Variants in FBXL13 observed in about 807,000 individuals in gnomAD.
The protein encoded by FBXL13 is F-box and leucine rich repeat protein 13.
Under a neutral mutation model 83.6 loss-of-function variants are expected in FBXL13, and 67 were observed. The ratio of observed to expected loss-of-function variants is 0.80; its 90% confidence interval spans 0.66 to 0.98. FBXL13 has a LOEUF of 0.98. Ranked by LOEUF, FBXL13 falls within the 50% of genes least tolerant of loss-of-function variation. The probability of loss-of-function intolerance (pLI) is 0.00; values close to 1 mark genes in which losing one functional copy is unlikely to be tolerated. For synonymous variants in FBXL13, 272 were observed against 299.5 expected (o/e 0.91, Z 0.95); for missense variants, 822 against 866.5 (o/e 0.95, Z 0.64).
intron 2 of FBXL13, among the ~76,000 whole-genome samples, chr7:103,032,264 A>T (rs1794585657): frequency 6.6e-6 from 1 of 152,262 alleles, no homozygotes; most frequent in African/African-American, 2.4e-5. Flanking sequence ...GAGAAATAAA[A>T]TAAACACCTA....
At chr7:102,972,143 G>A (rs1361053918) in intron 6 of FBXL13, among the ~76,000 whole-genome samples, 3 of 152,078 alleles carry the variant, frequency 2.0e-5, no homozygotes, top group Non-Finnish European at 4.4e-5. Context: ...GGCATGAAAT[G>A]CAAATAATAA....
In FBXL13 at chr7:102,953,444, T is replaced by A. The variant is rs142472812; in HGVS notation, c.724+10089A>T. ...ATTTCAGTTGACTTAGAAAAGGCAT[T>A]TGACAAAATCCCATCACCCTTTTAT... On this transcript the variant is annotated intron_variant, in intron 8 of 19. Coordinates refer to ENST00000313221, the Ensembl canonical transcript of FBXL13. Among the ~76,000 whole-genome samples the A allele has an allele frequency of 3.7e-3, 568 of 152,234 alleles. 5 individuals carry two copies. The highest frequency in any genetic ancestry group is 0.014 in the African/African-American group (561 of 41,548).
exon 11 of FBXL13, chr7:102,913,204 T>C (rs201475001): frequency 4.3e-6 from 7 of 1,614,002 alleles, no homozygotes; most frequent in African/African-American, 1.3e-5. Flanking sequence ...ATTCTGTAAG[T>C]TGTGGAAGTG....
intron 1 of FBXL13, among the ~76,000 whole-genome samples, chr7:103,061,870 G>A (rs1338393680): frequency 2.0e-5 from 3 of 150,080 alleles, no homozygotes; most frequent in Non-Finnish European, 4.4e-5. Flanking sequence ...TTCAGGAGGC[G>A]GAGCTTGCAG....
At chr7:102,967,951 G>A (rs377412326) in intron 7 of FBXL13, 71 bp downstream of exon 8, 4 of 1,168,134 alleles carry the variant, frequency 3.4e-6, no homozygotes, top group Non-Finnish European at 5.0e-6. Flanking sequence ...CCCCACAACA[G>A]CTGGCTTCAC....
At chr7:102,830,265 C>A (rs183750996) in intron 18 of FBXL13, among the ~76,000 whole-genome samples, 3 of 152,188 alleles carry the variant, frequency 2.0e-5, no homozygotes, top group African/African-American at 7.2e-5. Flanking sequence ...TGCACTGGAG[C>A]CTTTTCTTTT....
intron 16 of FBXL13, among the ~76,000 whole-genome samples, chr7:102,870,388 T>C (rs1380703806): frequency 1.3e-5 from 2 of 152,180 alleles, no homozygotes; most frequent in Non-Finnish European, 1.5e-5. Flanking sequence ...TGAAATGATC[T>C]AGATTGAGAA....
chr7:103,047,011 C>T (rs1796347084), intron 2 of FBXL13: 2 of 152,192 alleles, frequency 1.3e-5, no homozygotes, highest in Admixed American at 1.3e-4. Context: ...ACCATAAAAA[C>T]TTTCTTTACC....
intron 16 of FBXL13, among the ~76,000 whole-genome samples, chr7:102,875,606 T>C (rs2129457553): frequency 6.6e-6 from 1 of 152,250 alleles, no homozygotes; most frequent in Middle Eastern, 3.4e-3. Context: ...CTCGTCATTG[T>C]ATCAGTTAAG....
intron 10 of FBXL13, among the ~76,000 whole-genome samples, chr7:102,920,896 G>C (rs746312354): frequency 2.0e-5 from 3 of 152,188 alleles, no homozygotes; most frequent in Non-Finnish European, 4.4e-5. Context: ...GCTCATACCT[G>C]TAATCCCAGC....
At chr7:102,831,462 T>C (rs1444580244) in intron 18 of FBXL13, among the ~76,000 whole-genome samples, 1 of 151,362 alleles carries the variant, frequency 6.6e-6, no homozygotes, top group East Asian at 1.9e-4. Flanking sequence ...TTGTCCAAAA[T>C]ATGAATAGTG....
chr7:102,995,617 T>C (rs892676710), intron 6 of FBXL13, among the ~76,000 whole-genome samples: 5 of 151,058 alleles, frequency 3.3e-5, no homozygotes, highest in Middle Eastern at 3.5e-3. Flanking sequence ...TGAAACACTG[T>C]CTCTACTAAG....
chr7:102,987,516 A>T (rs1029789906), intron 6 of FBXL13, among the ~76,000 whole-genome samples: 13 of 152,178 alleles, frequency 8.5e-5, no homozygotes, highest in Admixed American at 4.6e-4. Flanking sequence ...AATAGCAAAA[A>T]TCCAAGCACA....
intron 17 of FBXL13, among the ~76,000 whole-genome samples, chr7:102,848,285 G>A (rs1226461163): frequency 2.2e-5 from 1 of 46,498 alleles, no homozygotes; most frequent in Non-Finnish European, 3.6e-5. Context: ...GGCCGGGCGC[G>A]GTGGCTCACG....
intron 11 of FBXL13, among the ~76,000 whole-genome samples, chr7:102,897,144 T>A (rs1200278424): frequency 3.3e-5 from 5 of 151,732 alleles, no homozygotes; most frequent in African/African-American, 1.2e-4. Context: ...TGTATCTATA[T>A]GAGGAAATAT....
At chr7:102,996,199 T>C (rs1789770319) in intron 6 of FBXL13, among the ~76,000 whole-genome samples, 1 of 152,212 alleles carries the variant, frequency 6.6e-6, no homozygotes, top group African/African-American at 2.4e-5. Context: ...AGTTCATAGT[T>C]TGTCATAATG....
intron 9 of FBXL13, among the ~76,000 whole-genome samples, chr7:102,929,818 T>C (rs1054344092): frequency 1.3e-5 from 2 of 152,092 alleles, no homozygotes; most frequent in Admixed American, 6.6e-5. Flanking sequence ...AAGTTGGTTG[T>C]GGTGATGGTC....
intron 6 of FBXL13, among the ~76,000 whole-genome samples, chr7:102,990,768 G>A (rs1204211893): frequency 6.6e-6 from 1 of 152,218 alleles, no homozygotes; most frequent in Non-Finnish European, 1.5e-5. Flanking sequence ...AGCCTACAAA[G>A]AGAGCACGTG....
chr7:102,944,761 T>C (rs1160268045), intron 8 of FBXL13: 4 of 671,750 alleles, frequency 6.0e-6, no homozygotes, highest in African/African-American at 1.8e-5. Context: ...GTGACTATTA[T>C]AGTAATCAAG....
Sources: allele counts gnomAD v4.1 joint callset (sites outside exome capture counted in the v4.1 genomes callset), GRCh38; gene constraint gnomAD v4.1.1; transcripts MANE v1.5; gene names NCBI Gene and HGNC (gene_info 2026-07-23, HGNC 2026-07-21).